The following ADGRV1 variants were observed in gnomAD, a reference collection of about 807,000 sequenced individuals.
ADGRV1 encodes the protein adhesion G protein-coupled receptor V1.
A neutral mutation model predicts 596.2 loss-of-function variants in ADGRV1; 359 were observed. The ratio of observed to expected loss-of-function variants is 0.60; its 90% CI spans 0.55 to 0.66. The LOEUF is 0.66. Ranked by LOEUF, ADGRV1 falls within the 30% of genes least tolerant of loss-of-function variation. The pLI is 0.00. For synonymous variants in ADGRV1, 2,681 were observed against 2,679.2 expected (o/e 1.00, Z -0.02); for missense variants, 7,274 against 7,575.6 (o/e 0.96, Z 1.48).
At chr5:90,659,426 A>C (rs1769911572) in intron 21 of ADGRV1, among the ~76,000 whole-genome samples, 1 of 152,222 alleles carries the variant, frequency 6.6e-6, no homozygotes, top group East Asian at 1.9e-4. Flanking sequence ...ATATGTGTCA[A>C]CATTTTGAAG....
In ADGRV1 at chr5:90,683,938, G is replaced by C. The variant is rs768201036; in HGVS notation, c.6017G>C (p.Gly2006Ala). The stretch of plus-strand genomic sequence containing the variant: ...ACACTATCAATAATAAGGTTGAAAG[G>C]CCTCATGGGAAAAGTCCTTGTCTCA... Reference protein sequence around the residue: ...NITLSIIRLKGLMGKVLVSYA... With the variant: ...NITLSIIRLKALMGKVLVSYA... Residue 2006 changes from glycine (G) to alanine (A), a missense_variant, in exon 28 of 90, where the codon GGC becomes GCC. This residue lies in a region of ADGRV1 where 3,643 missense variants were observed against 3,809.2 expected (regional missense o/e 0.96). Transcript: ENST00000405460. The C allele has an allele frequency of 3.1e-6, 5 of 1,613,636 alleles. No homozygotes were observed. The highest frequency in any genetic ancestry group is 1.7e-5 in the Admixed American group (1 of 59,966).
chr5:90,691,395 T>C (rs1335704896), intron 31 of ADGRV1, among the ~76,000 whole-genome samples: 1 of 149,798 alleles, frequency 6.7e-6, no homozygotes, highest in East Asian at 1.9e-4. Flanking sequence ...TTTTTTTTTT[T>C]TTTTTTGAGA....
At chr5:90,706,867 T>TTTG (rs1376572674) in intron 38 of ADGRV1, among the ~76,000 whole-genome samples, 9 of 151,914 alleles carry the variant, frequency 5.9e-5, no homozygotes, top group East Asian at 1.9e-4. Context: ...TTTTCTTGAT[T>TTTG]TTGTTGTTGT....
At chr5:90,780,558 T>TA (rs554844377) in intron 64 of ADGRV1, among the ~76,000 whole-genome samples, 1 of 152,146 alleles carries the variant, frequency 6.6e-6, no homozygotes, top group Non-Finnish European at 1.5e-5. Context: ...AATATTAATC[T>TA]AAAAAAAGAC....
intron 85 of ADGRV1, chr5:91,030,877 C>A: frequency 2.1e-6 from 1 of 480,600 alleles, no homozygotes. Flanking sequence ...TGAAAAGCCT[C>A]TGCCCCACCA....
intron 85 of ADGRV1, among the ~76,000 whole-genome samples, chr5:91,032,502 A>G (rs1301431806): frequency 6.6e-6 from 1 of 152,046 alleles, no homozygotes; most frequent in Admixed American, 6.5e-5. Context: ...ATATTGGCTT[A>G]TATCATTAGT....
chr5:90,985,348 T>C lies in ADGRV1; in HGVS notation c.17978T>C (p.Val5993Ala). The C allele has an allele frequency of 6.2e-7, 1 of 1,605,068 alleles. No homozygotes were observed. Among genetic ancestry groups the C allele is most frequent in the African/African-American group, 1.3e-5 (1 of 74,882 alleles). Residue 5993 changes from valine (V) to alanine (A), a missense_variant, in exon 85 of 90, where the codon GTG (valine) becomes GCG (alanine). Transcript: ENST00000405460. ...TTATGTTGTTTTCTTCCTTAGTCTG[T>C]GAATTTCTGGTACGTGCTGGTGATG... ...CQFSWMLIQS[V>A]NFWYVLVMND...
At chr5:91,149,902 C>T (rs1228014145) in intron 87 of ADGRV1, 128 bp from the exon 88 acceptor site, 5 of 569,458 alleles carry the variant, frequency 8.8e-6, no homozygotes, top group Non-Finnish European at 1.4e-5. Context: ...TTGGGTATTT[C>T]TTCATAGCAG....
At position 90,846,751 on chromosome 5, in the gene ADGRV1, G is replaced by A. The variant is rs186530922; in HGVS notation, c.17020-1886G>A. The stretch of plus-strand genomic sequence containing the variant: ...ATAAAGCTTCCATAGTGTGCAAGGG[G>A]ACCCGAGCAGGTTGCCACTGCTGGC... On this transcript the variant is annotated intron_variant, in intron 78 of 89. Transcript: ENST00000405460. Among the ~76,000 whole-genome samples the A allele has an allele frequency of 6.2e-4, 94 of 152,292 alleles. No individual in the cohort carries two copies. The East Asian group carries it at 0.018, about 28-fold the overall frequency.
At chr5:90,797,755 A>C (rs879900673) in intron 70 of ADGRV1, among the ~76,000 whole-genome samples, 1 of 152,226 alleles carries the variant, frequency 6.6e-6, no homozygotes, top group African/African-American at 2.4e-5. Context: ...AATGTGAAAG[A>C]ATGGAAATAA....
intron 79 of ADGRV1, among the ~76,000 whole-genome samples, chr5:90,851,799 T>A (rs1484453422): frequency 1.3e-5 from 2 of 152,224 alleles, no homozygotes; most frequent in Non-Finnish European, 2.9e-5. Context: ...CAGGAATTTG[T>A]TATGCTTGCA....
intron 21 of ADGRV1, among the ~76,000 whole-genome samples, chr5:90,663,574 C>G (rs1035751035): frequency 3.3e-5 from 5 of 152,098 alleles, no homozygotes; most frequent in South Asian, 4.2e-4. Context: ...CCTGTTCACT[C>G]TGATGGTAGT....
rs1159382929 is a variant in ADGRV1 at position 90,617,848 on chromosome 5, A to G, written c.252A>G (p.Ala84=). 1.9e-6 allele frequency: 3 copies of G among 1,600,608 alleles called. No homozygotes were observed. The highest frequency in any genetic ancestry group is 3.4e-5 in the Admixed American group (2 of 58,200). Reference sequence around the variant, plus strand: ...GTGACTTTTTTGACACATATGCTGCAGCTTTTATACCTGCCGGAGAAACAA... The same window carrying G: ...GTGACTTTTTTGACACATATGCTGCGGCTTTTATACCTGCCGGAGAAACAA... ...DAGDFFDTYA[A]AFIPAGETNR... The change falls in exon 3 of 90, where the codon GCA becomes GCG. Residue 84 remains alanine, a synonymous_variant. Transcript: ENST00000405460.
intron 65 of ADGRV1, among the ~76,000 whole-genome samples, chr5:90,782,666 G>A (rs1204232609): frequency 6.6e-6 from 1 of 151,944 alleles, no homozygotes; most frequent in African/African-American, 2.4e-5. Flanking sequence ...CTTGTATCTG[G>A]ACTTTTAAAA....
At chr5:90,636,055 A>G (rs1420474993) in intron 10 of ADGRV1, among the ~76,000 whole-genome samples, 1 of 152,018 alleles carries the variant, frequency 6.6e-6, no homozygotes, top group Admixed American at 6.6e-5. Context: ...AAGTTGTGGA[A>G]TGCTAAATCT....
chr5:90,580,310 G>T (rs2151973235), intron 1 of ADGRV1, among the ~76,000 whole-genome samples: 1 of 152,242 alleles, frequency 6.6e-6, no homozygotes, highest in East Asian at 1.9e-4. Flanking sequence ...AGGCCTGGTG[G>T]TGACAAAATC....
At chr5:90,959,883 T>C (rs1276373449) in intron 83 of ADGRV1, among the ~76,000 whole-genome samples, 1 of 152,186 alleles carries the variant, frequency 6.6e-6, no homozygotes, top group Admixed American at 6.5e-5. Context: ...CTCACGCCTG[T>C]AATCCCAGCA....
At chr5:90,681,483 G>T in intron 27 of ADGRV1, 29 bp downstream of exon 27, 1 of 1,589,010 alleles carries the variant, frequency 6.3e-7, no homozygotes, top group South Asian at 1.1e-5. Context: ...TTCATTCCTA[G>T]ACACTTTCTG....
intron 86 of ADGRV1, among the ~76,000 whole-genome samples, chr5:91,083,613 A>G (rs911847740): frequency 2.8e-4 from 43 of 152,358 alleles, no homozygotes; most frequent in African/African-American, 1.0e-3. Flanking sequence ...TGATCCTCAC[A>G]GAAGTACTCT....
Sources: gnomAD v4.1 joint callset for allele counts (sites outside exome capture counted in the v4.1 genomes callset) on GRCh38, gnomAD v4.1.1 for gene constraint, gnomAD v4.1.1 regional missense constraint, MANE v1.5 for transcripts, NCBI Gene and HGNC (gene_info 2026-07-23, HGNC 2026-07-21) for gene names.